LDB2: variants seen among roughly 807,000 people sequenced by gnomAD.
The protein encoded by LDB2 is LIM domain-binding protein 2.
In LDB2, 12 loss-of-function variants were observed where a neutral mutation model predicts 44.3. The ratio of observed to expected loss-of-function variants is 0.27; its 90% CI spans 0.17 to 0.44. The LOEUF (loss-of-function observed/expected upper bound fraction) is 0.44, where lower values mean the gene tolerates loss of function less well. Ranked by LOEUF, LDB2 falls within the 20% of genes least tolerant of loss-of-function variation. The probability of loss-of-function intolerance (pLI) is 1.00; values close to 1 mark genes in which losing one functional copy is unlikely to be tolerated. For synonymous variants in LDB2, 164 were observed against 174.8 expected (o/e 0.94, Z 0.49); for missense variants, 344 against 473.5 (o/e 0.73, Z 2.54).
chr4:16,889,669 T>G (rs1452012594), intron 1 of LDB2, among the ~76,000 whole-genome samples: 1 of 152,178 alleles, frequency 6.6e-6, no homozygotes, highest in African/African-American at 2.4e-5. Flanking sequence ...TAGGTAATAT[T>G]TTGCACATCA....
At chr4:16,781,277 C>T (rs1773162308) in intron 1 of LDB2, among the ~76,000 whole-genome samples, 1 of 152,178 alleles carries the variant, frequency 6.6e-6, no homozygotes, top group Admixed American at 6.5e-5. Flanking sequence ...GTGAAGGCAG[C>T]TGTCATGCGC....
intron 2 of LDB2, among the ~76,000 whole-genome samples, chr4:16,747,997 TC>T (rs768341000): frequency 3.9e-5 from 6 of 152,128 alleles, no homozygotes; most frequent in Non-Finnish European, 7.4e-5. Context: ...CAGGAATAAG[TC>T]AGACATAATG....
At chr4:16,702,596 T>C (rs1753699669) in intron 2 of LDB2, among the ~76,000 whole-genome samples, 1 of 152,188 alleles carries the variant, frequency 6.6e-6, no homozygotes, top group Non-Finnish European at 1.5e-5. Flanking sequence ...TCCAAGTGCC[T>C]CTCCCTTGCA....
intron 1 of LDB2, among the ~76,000 whole-genome samples, chr4:16,780,089 C>A (rs1212338892): frequency 6.6e-6 from 1 of 152,096 alleles, no homozygotes; most frequent in East Asian, 1.9e-4. Context: ...AAACCTTATG[C>A]AGCTCAAAAT....
At chr4:16,757,975 G>T (rs571641741) in intron 2 of LDB2, among the ~76,000 whole-genome samples, 1 of 73,466 alleles carries the variant, frequency 1.4e-5, no homozygotes, top group South Asian at 7.5e-4. Context: ...TTAAAAGTCC[G>T]TGAGACACAA....
intron 2 of LDB2, among the ~76,000 whole-genome samples, chr4:16,738,282 C>A (rs1321913650): frequency 1.3e-5 from 2 of 152,148 alleles, no homozygotes; most frequent in African/African-American, 4.8e-5. Context: ...CTGCTCCTCA[C>A]CCACCTCCCC....
At chr4:16,526,702 G>A (rs1728373041) in intron 5 of LDB2, among the ~76,000 whole-genome samples, 1 of 152,170 alleles carries the variant, frequency 6.6e-6, no homozygotes, top group Non-Finnish European at 1.5e-5. Context: ...AAATAAAAGG[G>A]TGCCAGGAGC....
chr4:16,552,292 T>TA (rs1274755012), intron 5 of LDB2, among the ~76,000 whole-genome samples: 9 of 152,204 alleles, frequency 5.9e-5, no homozygotes, highest in East Asian at 1.9e-4. Context: ...TACAAAGCAT[T>TA]AAAAAATCCA....
At chr4:16,812,631 A>G (rs867517315) in intron 1 of LDB2, among the ~76,000 whole-genome samples, 202 of 126,042 alleles carry the variant, frequency 1.6e-3, no homozygotes, top group African/African-American at 4.2e-3. Context: ...TATTAAATAT[A>G]TGTGTGTGTG....
chr4:16,640,141 T>G (rs1258417207), intron 2 of LDB2, among the ~76,000 whole-genome samples: 3 of 152,246 alleles, frequency 2.0e-5, no homozygotes. Flanking sequence ...TCAGTTGGAA[T>G]GCATTACCCA....
rs368774047 is a variant in LDB2, at chr4:16,617,305, GAA to G, written c.236-21432_236-21431del. Among the ~76,000 whole-genome samples, 700 of 147,558 alleles carry G rather than the reference GAA, an allele frequency of 4.7e-3. 5 individuals carry two copies. Among genetic ancestry groups the G allele is most frequent in the African/African-American group, 0.017 (666 of 40,294 alleles). On this transcript the variant is annotated intron_variant, in intron 2 of 7. Transcript: ENST00000304523. ...GTGGAATACTGAAAACCCTCCCCGG[GAA>G]AAAAAAAATGGTAGGAAGAAATAAG... is the stretch of plus-strand genomic sequence containing the variant.
At position 16,665,640 on chromosome 4, in the gene LDB2, G is replaced by T. The variant is rs140508357; in HGVS notation, c.236-69765C>A. On this transcript the variant is annotated intron_variant, in intron 2 of 7. Coordinates refer to ENST00000304523, the MANE Select transcript of LDB2 (RefSeq NM_001290.5). ...GTGGCTGAATCCTACCTGAGCATGA[G>T]CAGAAAAGTTATGGCTAGCATTCTC... Among the ~76,000 whole-genome samples the T allele has an allele frequency of 1.9e-3, 286 of 152,256 alleles. 2 individuals are homozygous for T. Among genetic ancestry groups the T allele is most frequent in the African/African-American group, 6.6e-3 (273 of 41,554 alleles).
At chr4:16,723,414 C>A (rs1579078629) in intron 2 of LDB2, among the ~76,000 whole-genome samples, 1 of 152,100 alleles carries the variant, frequency 6.6e-6, no homozygotes, top group Admixed American at 6.5e-5. Context: ...GGATAAGAGA[C>A]CCACTCTCAT....
At chr4:16,802,605 G>A (rs1320017840) in intron 1 of LDB2, among the ~76,000 whole-genome samples, 1 of 152,176 alleles carries the variant, frequency 6.6e-6, no homozygotes, top group African/African-American at 2.4e-5. Context: ...AATGCTAAGT[G>A]CTTGATGTGG....
intron 2 of LDB2, among the ~76,000 whole-genome samples, chr4:16,661,877 T>C (rs1408734311): frequency 6.6e-6 from 1 of 152,120 alleles, no homozygotes; most frequent in Non-Finnish European, 1.5e-5. Flanking sequence ...CAGGAATTAG[T>C]GAGAGAGCAC....
chr4:16,580,998 A>G (rs1051387185), intron 5 of LDB2, among the ~76,000 whole-genome samples: 1 of 152,240 alleles, frequency 6.6e-6, no homozygotes, highest in Non-Finnish European at 1.5e-5. Flanking sequence ...GAAATTTGAA[A>G]TGATGGCAAT....
intron 2 of LDB2, among the ~76,000 whole-genome samples, chr4:16,677,585 G>T (rs1442324888): frequency 6.6e-6 from 1 of 152,154 alleles, no homozygotes; most frequent in East Asian, 1.9e-4. Context: ...CCCTCCTTGG[G>T]AAAGGATCCA....
chr4:16,616,121 T>G (rs1000834811), intron 2 of LDB2, among the ~76,000 whole-genome samples: 11 of 152,156 alleles, frequency 7.2e-5, no homozygotes, highest in African/African-American at 2.7e-4. Flanking sequence ...TACTAGTTAC[T>G]GTATCAACCA....
intron 2 of LDB2, among the ~76,000 whole-genome samples, chr4:16,660,922 G>C (rs1741394992): frequency 6.6e-6 from 1 of 152,178 alleles, no homozygotes; most frequent in African/African-American, 2.4e-5. Flanking sequence ...GAAATACCAG[G>C]AATATAGGCA....
Sources: gnomAD v4.1 joint callset for allele counts (sites outside exome capture counted in the v4.1 genomes callset) on GRCh38, gnomAD v4.1.1 for gene constraint, MANE v1.5 for transcripts, NCBI Gene and HGNC (gene_info 2026-07-23, HGNC 2026-07-21) for gene names.